The following LAMA2 variants were observed in gnomAD, a reference collection of about 807,000 sequenced individuals.
LAMA2 encodes laminin subunit alpha-2.
A neutral mutation model predicts 364.8 loss-of-function variants in LAMA2; 269 were observed. The ratio of observed to expected loss-of-function variants is 0.74; its 90% confidence interval spans 0.67 to 0.82. The LOEUF is 0.82. Ranked by LOEUF, LAMA2 falls within the 40% of genes least tolerant of loss-of-function variation. The probability of loss-of-function intolerance (pLI) is 0.00; values close to 1 mark genes in which losing one functional copy is unlikely to be tolerated. For synonymous variants in LAMA2, 1,379 were observed against 1,370.6 expected, an observed-to-expected ratio of 1.01 and a Z score of -0.14; for missense variants, 3,807 against 3,873.2, an observed-to-expected ratio of 0.98 and a Z score of 0.45.
chr6:129,345,475 G>A (rs1395614977), intron 30 of LAMA2, among the ~76,000 whole-genome samples: 7 of 152,116 alleles, frequency 4.6e-5, no homozygotes, highest in African/African-American at 1.7e-4. Context: ...TGATTGGTTA[G>A]CAGGATCAAT....
rs139017179 is a variant in LAMA2 at position 129,329,667 on chromosome 6, C to T, written c.4311+1255C>T. Among the ~76,000 whole-genome samples, 703 of 152,174 alleles carry T rather than the reference C, an allele frequency of 4.6e-3. 6 individuals carry two copies. Among genetic ancestry groups the T allele is most frequent in the African/African-American group, 0.016 (654 of 41,532 alleles). On this transcript the variant is annotated intron_variant, in intron 29 of 64. Coordinates refer to ENST00000421865, the MANE Select transcript of LAMA2 (RefSeq NM_000426.4). ...ATGAGCCACCATGCCCAGCTGCAGT[C>T]GCCATCACTTTCTTTCACTCCCTTC... is the stretch of plus-strand genomic sequence containing the variant.
chr6:129,046,432 C>T (rs1199257477), intron 1 of LAMA2, among the ~76,000 whole-genome samples: 1 of 152,164 alleles, frequency 6.6e-6, no homozygotes, highest in African/African-American at 2.4e-5. Flanking sequence ...GGCAAGAGAG[C>T]ATGTGCAGGG....
intron 21 of LAMA2, among the ~76,000 whole-genome samples, chr6:129,298,627 A>G (rs1475008887): frequency 1.3e-5 from 2 of 152,192 alleles, no homozygotes; most frequent in Admixed American, 6.5e-5. Context: ...CATGGATTCA[A>G]CCTGGATAAT....
At position 129,192,680 on chromosome 6, in the gene LAMA2, A is replaced by T. The variant is rs148262047; in HGVS notation, c.1609A>T (p.Ile537Leu). 1.9e-6 allele frequency: 3 copies of T among 1,613,882 alleles called. No individual in the cohort carries two copies. The African/African-American group carries it at 4.0e-5, about 22-fold the overall frequency. ...ATGATGACTGTGTGTTTTCTCTAAG[A>T]TACAAGATATGAGTGGCTGGTATCT... ...CQSSYWTYGK[I>L]QDMSGWYLTD... The change falls in exon 12 of 65, where the codon ATA (isoleucine) becomes TTA (leucine). Residue 537 changes from isoleucine (I) to leucine (L), a missense_variant and splice_region_variant. By Grantham distance (5) the Ile-to-Leu change is conservative. Coordinates refer to ENST00000421865, the MANE Select transcript of LAMA2 (RefSeq NM_000426.4).
At chr6:129,408,564 GTGCCTATTCCAT>G (rs1332389287) in intron 40 of LAMA2, among the ~76,000 whole-genome samples, 5 of 152,188 alleles carry the variant, frequency 3.3e-5, no homozygotes, top group Admixed American at 6.5e-5. Flanking sequence ...TCCAGAATAA[GTGCCTATTCCAT>G]TGAGGACAAA....
At chr6:129,364,161 C>A (rs1446780251) in intron 32 of LAMA2, among the ~76,000 whole-genome samples, 3 of 152,150 alleles carry the variant, frequency 2.0e-5, no homozygotes, top group Non-Finnish European at 1.5e-5. Flanking sequence ...AAAAGCCCTG[C>A]CAGGGCAGTT....
chr6:129,111,002 A>G (rs546946477), intron 4 of LAMA2, among the ~76,000 whole-genome samples: 3 of 152,174 alleles, frequency 2.0e-5, no homozygotes, highest in African/African-American at 7.2e-5. Flanking sequence ...AGCTATTAAA[A>G]TAAGCTTCTT....
At chr6:129,387,404 A>C in intron 35 of LAMA2, among the ~76,000 whole-genome samples, 1 of 152,248 alleles carries the variant, frequency 6.6e-6, no homozygotes, top group South Asian at 2.1e-4. Context: ...GTCAGGAAAC[A>C]ATAGATGCTG....
intron 12 of LAMA2, among the ~76,000 whole-genome samples, chr6:129,196,196 C>A (rs1330456802): frequency 6.6e-6 from 1 of 152,154 alleles, no homozygotes; most frequent in African/African-American, 2.4e-5. Context: ...GTTTAAGATG[C>A]ACATTAGGAG....
At chr6:129,357,013 G>T (rs1441993790) in intron 32 of LAMA2, among the ~76,000 whole-genome samples, 2 of 151,998 alleles carry the variant, frequency 1.3e-5, no homozygotes, top group African/African-American at 4.8e-5. Context: ...AAGTTGGTGA[G>T]TTCTGAAGAG....
chr6:128,925,666 A>T (rs1395949889), intron 1 of LAMA2, among the ~76,000 whole-genome samples: 1 of 152,220 alleles, frequency 6.6e-6, no homozygotes, highest in East Asian at 1.9e-4. Context: ...ATTTTATGTT[A>T]TGTGTATTTT....
intron 48 of LAMA2, 80 bp downstream of exon 48, chr6:129,456,574 A>C: frequency 7.8e-7 from 1 of 1,286,446 alleles, no homozygotes; most frequent in Non-Finnish European, 1.1e-6. Flanking sequence ...AAGGTATGAT[A>C]AAGCTCTGTA....
chr6:129,370,202 T>C (rs1777996052), intron 34 of LAMA2, among the ~76,000 whole-genome samples: 1 of 152,224 alleles, frequency 6.6e-6, no homozygotes, highest in South Asian at 2.1e-4. Flanking sequence ...AAATTGTCAA[T>C]GGCTAAAAAG....
At chr6:129,276,141 C>T (rs1051359702) in intron 17 of LAMA2, among the ~76,000 whole-genome samples, 5 of 152,010 alleles carry the variant, frequency 3.3e-5, no homozygotes, top group African/African-American at 9.7e-5. Flanking sequence ...GTCCCTGCCC[C>T]TTTTCAGTTA....
At chr6:129,177,067 T>G (rs930288208) in intron 9 of LAMA2, among the ~76,000 whole-genome samples, 1 of 152,184 alleles carries the variant, frequency 6.6e-6, no homozygotes. Flanking sequence ...CATCCTGTAT[T>G]ATTTCTATTT....
At chr6:129,462,470 C>G (rs951399832) in intron 49 of LAMA2, among the ~76,000 whole-genome samples, 2 of 151,982 alleles carry the variant, frequency 1.3e-5, no homozygotes, top group Non-Finnish European at 2.9e-5. Context: ...ATCGCTAACA[C>G]TTGGCAGTGT....
intron 1 of LAMA2, among the ~76,000 whole-genome samples, chr6:128,996,485 C>T (rs1783948291): frequency 6.6e-6 from 1 of 151,900 alleles, no homozygotes; most frequent in African/African-American, 2.4e-5. Context: ...AGACACTTCT[C>T]AAAAGAAGAC....
intron 22 of LAMA2, among the ~76,000 whole-genome samples, chr6:129,301,603 G>C (rs1320740258): frequency 6.6e-6 from 1 of 152,138 alleles, no homozygotes; most frequent in Admixed American, 6.6e-5. Context: ...CAATGGAGTA[G>C]ATGATAATAA....
rs112009168 is a variant in LAMA2, at chr6:129,468,515, G to A, written c.7300+3226G>A. On this transcript the variant is annotated intron_variant, in intron 51 of 64. Coordinates refer to ENST00000421865, the MANE Select transcript of LAMA2 (RefSeq NM_000426.4). ...TTTTCCTTATAAAAAGAAAAGCATC[G>A]AAGCTGCAATGGAAAAAGCAAATGT... Among the ~76,000 whole-genome samples the A allele has an allele frequency of 8.3e-3, 1,261 of 151,748 alleles. 12 individuals are homozygous for A. Among genetic ancestry groups the A allele is most frequent in the Non-Finnish European group, 0.014 (936 of 67,820 alleles).
Sources: allele counts gnomAD v4.1 joint callset (sites outside exome capture counted in the v4.1 genomes callset), GRCh38; gene constraint gnomAD v4.1.1; transcripts MANE v1.5; gene names NCBI Gene and HGNC (gene_info 2026-07-23, HGNC 2026-07-21).